Variants in ATP6V0A2 observed in about 807,000 individuals in gnomAD.
ATP6V0A2 encodes the protein V-type proton ATPase 116 kDa subunit a 2.
In ATP6V0A2, 58 loss-of-function variants were observed where a neutral mutation model predicts 104.4. The observed-to-expected ratio is 0.56, with a 90% CI of 0.45 to 0.69. The LOEUF is 0.69. ATP6V0A2 is among the 30% of genes least tolerant of loss of function. The pLI is 0.00. For missense variants in ATP6V0A2, 938 were observed against 1,062.9 expected (o/e 0.88, Z 1.63); for synonymous variants, 376 against 397.9 (o/e 0.95, Z 0.65).
Position 123,724,711 on chromosome 12 carries a change from CTG to C in ATP6V0A2, c.353_354del (p.Leu118GlnfsTer26), listed in dbSNP as rs80356752. 1.9e-6 allele frequency: 3 copies of C among 1,613,774 alleles called. No individual in the cohort carries two copies. The highest frequency in any genetic ancestry group is 2.5e-6 in the Non-Finnish European group (3 of 1,179,888). ...AGAAGTCACTAAGAACAAGGAGAAA[CTG>C]AGGAAAAACTTGCTGGAACTGATAG... Reference protein sequence around the residue: ...LREVTKNKEKLRKNLLELIEY... With the variant: ...LREVTKNKEKXRKNLLELIEY... On this transcript the variant is annotated frameshift_variant, in exon 4 of 20. Transcript: ENST00000330342. LOFTEE classifies it high-confidence loss of function.
chr12:123,724,371 A>G (rs906088296), intron 3 of ATP6V0A2: 1 of 193,676 alleles, frequency 5.2e-6, no homozygotes, highest in African/African-American at 1.1e-4. Context: ...TAACAATACA[A>G]AAAAAAATTA....
At chr12:123,728,998 G>C (rs867951851) in intron 6 of ATP6V0A2, among the ~76,000 whole-genome samples, 1 of 152,046 alleles carries the variant, frequency 6.6e-6, no homozygotes, top group Non-Finnish European at 1.5e-5. Flanking sequence ...CTGATCACTT[G>C]ATTAAGGCAC....
Position 123,758,003 on chromosome 12 carries a change from A to C in ATP6V0A2, c.2542A>C (p.Lys848Gln). The C allele has an allele frequency of 6.2e-7, 1 of 1,613,106 alleles. No homozygotes were observed. Among genetic ancestry groups the C allele is most frequent in the Non-Finnish European group, 8.5e-7 (1 of 1,179,452 alleles). The change falls in exon 20 of 20, where the codon AAG becomes CAG. Residue 848 changes from lysine to glutamine, a missense_variant. Physicochemically the swap from Lys to Gln is moderately conservative, Grantham distance 53 (BLOSUM62 1). Transcript: ENST00000330342. The stretch of plus-strand genomic sequence containing the variant: ...TTTCTCATTCAGTCTACTTTCATCA[A>C]AGTTCAATAACGACGACAGTGTGGC... ...VPFSFSLLSS[K>Q]FNNDDSVA
chr12:123,731,184 C>T (rs533161406), intron 6 of ATP6V0A2: 11 of 152,284 alleles, frequency 7.2e-5, no homozygotes, highest in South Asian at 2.1e-4. Context: ...AAAGAAGTCC[C>T]TCGCAGTCTC....
In ATP6V0A2 at chr12:123,744,853, C is replaced by T. The variant is rs199792576; in HGVS notation, c.1515-29C>T. 1.7e-5 allele frequency: 27 copies of T among 1,614,018 alleles called. No individual in the cohort carries two copies. The African/African-American group carries it at 3.5e-4, about 21-fold the overall frequency. Reference sequence around the variant, plus strand: ...TTCCTAGACCTTCCTCCTCCCAGGTCAGCCTCCTCACTCTGCTTTTTGTTA... The same window carrying T: ...TTCCTAGACCTTCCTCCTCCCAGGTTAGCCTCCTCACTCTGCTTTTTGTTA... On this transcript the variant is annotated intron_variant, in intron 12 of 19. Transcript: ENST00000330342. This position sits in a 1 kb window ranked among gnomAD's most constrained non-coding sequence, Gnocchi z 5.4.
chr12:123,747,218 T>C (rs1365426338), intron 13 of ATP6V0A2, among the ~76,000 whole-genome samples: 1 of 152,200 alleles, frequency 6.6e-6, no homozygotes, highest in African/African-American at 2.4e-5. Flanking sequence ...TATGTAAATG[T>C]GTGATAACAC....
In ATP6V0A2 at chr12:123,756,891, G is replaced by C. The variant is rs147380366; in HGVS notation, c.2370G>C (p.Leu790=). ...RVDTTYGVLL[L]LPVIALFAVL... ...ACACCACCTATGGCGTCTTGCTACT[G>C]CTCCCGGTTATCGCGCTCTTTGCAG... Residue 790 remains leucine (L), a synonymous_variant, in exon 19 of 20, where the codon CTG becomes CTC. Coordinates refer to ENST00000330342, the MANE Select transcript of ATP6V0A2 (RefSeq NM_012463.4). 10 of 1,614,082 alleles carry C rather than the reference G, an allele frequency of 6.2e-6. No homozygotes were observed. Among genetic ancestry groups the C allele is most frequent in the African/African-American group, 1.3e-5 (1 of 74,932 alleles).
At chr12:123,713,392 C>G (rs144293600) in intron 1 of ATP6V0A2, among the ~76,000 whole-genome samples, 1 of 152,286 alleles carries the variant, frequency 6.6e-6, no homozygotes, top group East Asian at 1.9e-4. Flanking sequence ...GTCTCCCCAA[C>G]AAGTAATAAT....
intron 18 of ATP6V0A2, among the ~76,000 whole-genome samples, chr12:123,755,567 AT>A (rs1378934907): frequency 1.3e-3 from 192 of 151,218 alleles, no homozygotes; most frequent in African/African-American, 4.1e-3. Context: ...AAAAAAAAAA[AT>A]AGGACAATTT....
rs1290660071 is a variant in ATP6V0A2 at position 123,712,468 on chromosome 12, G to A, written c.-98G>A. On this transcript the variant is annotated 5_prime_UTR_variant, in exon 1 of 20. Coordinates refer to ENST00000330342, the MANE Select transcript of ATP6V0A2 (RefSeq NM_012463.4). ...CGGGGCCGCGGCCAGGCCACAGGAA[G>A]AGCTCGAGGCCCGGGCCGCACCGGC... The A allele has an allele frequency of 1.4e-5, 10 of 712,546 alleles. No individual in the cohort carries two copies. Among genetic ancestry groups the A allele is most frequent in the Non-Finnish European group, 1.9e-5 (9 of 477,252 alleles). 44.1% of individuals were successfully genotyped at this position (712,546 alleles called of 1,614,324 possible).
chr12:123,743,714 G>A (rs1956631309), intron 9 of ATP6V0A2, 71 bp from the exon 10 acceptor site: 2 of 1,559,828 alleles, frequency 1.3e-6, no homozygotes. Context: ...CAGTAACCCA[G>A]ATTCGTTGAA....
chr12:123,756,889 C>T lies in ATP6V0A2; in HGVS notation c.2368C>T (p.Leu790=). The part of the protein sequence containing the change: ...RVDTTYGVLL[L]LPVIALFAVL... ...TGACACCACCTATGGCGTCTTGCTA[C>T]TGCTCCCGGTTATCGCGCTCTTTGC... Residue 790 remains leucine (L), a synonymous_variant, in exon 19 of 20, where the codon CTG becomes TTG. Coordinates refer to ENST00000330342, the MANE Select transcript of ATP6V0A2 (RefSeq NM_012463.4). The T allele has an allele frequency of 6.2e-7, 1 of 1,614,242 alleles. No individual in the cohort carries two copies.
Position 123,758,052 on chromosome 12 carries a change from A to T in ATP6V0A2, c.*20A>T. 6.7e-7 allele frequency: 1 copy of T among 1,500,844 alleles called. No homozygotes were observed. 93.0% of individuals were successfully genotyped at this position (1,500,844 alleles called of 1,614,324 possible). A position where few individuals can be genotyped will look rare whatever the true frequency, so the allele number is the denominator to read the frequency against. On this transcript the variant is annotated 3_prime_UTR_variant, in exon 20 of 20. Coordinates refer to ENST00000330342, the MANE Select transcript of ATP6V0A2 (RefSeq NM_012463.4). ...GCATGATCATATTGCTGTAACCAACAAGCTTTCAGATTTATGGAGAATGAC... is the reference window on the plus strand; with the variant it reads ...GCATGATCATATTGCTGTAACCAACTAGCTTTCAGATTTATGGAGAATGAC...
In ATP6V0A2 at chr12:123,752,289, T is replaced by C. The variant is rs755953758; in HGVS notation, c.2062T>C (p.Tyr688His). Residue 688 changes from tyrosine to histidine, a missense_variant, in exon 17 of 20, where the codon TAC (tyrosine) becomes CAC (histidine). By Grantham distance (83) the Tyr-to-His change is moderately conservative. Coordinates refer to ENST00000330342, the MANE Select transcript of ATP6V0A2 (RefSeq NM_012463.4). ...GTGCTCTTTTGGTTGTTAGAGTGGC[T>C]ACACACTTATAAGGAAAGATAGTGA... ...RSCFGVNRSGYTLIRKDSEEE... is the reference protein window; with the variant it reads ...RSCFGVNRSGHTLIRKDSEEE... 1.2e-6 allele frequency: 2 copies of C among 1,614,166 alleles called. No individual in the cohort carries two copies. Among genetic ancestry groups the C allele is most frequent in the South Asian group, 1.1e-5 (1 of 91,088 alleles).
Position 123,748,860 on chromosome 12 carries a change from T to C in ATP6V0A2, c.1935+75T>C, listed in dbSNP as rs138200834. The C allele has an allele frequency of 9.5e-3, 13,463 of 1,415,678 alleles. 104 individuals carry two copies. Among genetic ancestry groups the C allele is most frequent in the Non-Finnish European group, 0.012 (12,097 of 1,005,738 alleles). 87.7% of individuals were successfully genotyped at this position (1,415,678 alleles called of 1,614,324 possible). Reference sequence around the variant, plus strand: ...TCTTTTATTCTGAGCAGTAGAAGTGTTGGGGTGATCTCCACAGGAGCCTGG... The same window carrying C: ...TCTTTTATTCTGAGCAGTAGAAGTGCTGGGGTGATCTCCACAGGAGCCTGG... On this transcript the variant is annotated intron_variant, in intron 15 of 19. Coordinates refer to ENST00000330342, the MANE Select transcript of ATP6V0A2 (RefSeq NM_012463.4).
chr12:123,726,141 A>G (rs1956446546), intron 4 of ATP6V0A2, 56 bp from the exon 5 acceptor site: 4 of 1,372,794 alleles, frequency 2.9e-6, no homozygotes, highest in African/African-American at 1.4e-5. Context: ...ATTTGACATG[A>G]GAAATAAAGT....
At chr12:123,743,197 C>T (rs1289722211) in intron 9 of ATP6V0A2, among the ~76,000 whole-genome samples, 1 of 152,176 alleles carries the variant, frequency 6.6e-6, no homozygotes, top group African/African-American at 2.4e-5. Flanking sequence ...CGCATTCAGT[C>T]CTGCTCTCAC....
chr12:123,722,160 T>G (rs1434321474), intron 2 of ATP6V0A2, among the ~76,000 whole-genome samples, 191 bp from the exon 3 acceptor site: 2 of 152,238 alleles, frequency 1.3e-5, no homozygotes, highest in Non-Finnish European at 2.9e-5. Flanking sequence ...TGCAGATCTC[T>G]CTAGGCAGCA....
chr12:123,757,663 G>A (rs1158690943), intron 19 of ATP6V0A2, among the ~76,000 whole-genome samples: 1 of 152,174 alleles, frequency 6.6e-6, no homozygotes, highest in East Asian at 1.9e-4. Context: ...TGGCAGGAGA[G>A]GGTCTCGTTA....
Sources: gnomAD v4.1 joint callset for allele counts (sites outside exome capture counted in the v4.1 genomes callset) on GRCh38, gnomAD v4.1.1 for gene constraint, Gnocchi (gnomAD v3.1) non-coding constraint, MANE v1.5 for transcripts, NCBI Gene and HGNC (gene_info 2026-07-23, HGNC 2026-07-21) for gene names.